Variants in TSHR observed in about 807,000 individuals in gnomAD.
TSHR encodes the protein thyroid stimulating hormone receptor.
In TSHR, 51 loss-of-function variants were observed where a neutral mutation model predicts 64.1. The observed-to-expected ratio is 0.80, with a 90% CI of 0.64 to 1.01. The LOEUF is 1.01. TSHR is among the 50% of genes least tolerant of loss of function. The probability of loss-of-function intolerance (pLI) is 0.00; values close to 1 mark genes in which losing one functional copy is unlikely to be tolerated. For missense variants in TSHR, 877 were observed against 942.8 expected (o/e 0.93, Z 0.91); for synonymous variants, 361 against 361.9 (o/e 1.00, Z 0.03).
At chr14:81,022,609 T>G (rs1883827791) in intron 1 of TSHR, among the ~76,000 whole-genome samples, 1 of 151,588 alleles carries the variant, frequency 6.6e-6, no homozygotes, top group Non-Finnish European at 1.5e-5. Flanking sequence ...GATTACAAGG[T>G]CAGGAGATCG....
intron 1 of TSHR, among the ~76,000 whole-genome samples, chr14:80,962,252 G>C (rs750456362): frequency 9.9e-5 from 15 of 152,204 alleles, no homozygotes; most frequent in Non-Finnish European, 1.5e-4. Flanking sequence ...ACATGTTAAA[G>C]ATTTTAATGA....
intron 1 of TSHR, chr14:81,012,572 T>C (rs1889973428): frequency 6.6e-6 from 1 of 151,956 alleles, no homozygotes; most frequent in Non-Finnish European, 1.5e-5. Flanking sequence ...GTAAAAGTGT[T>C]CCTATTTCTC....
chr14:81,000,178 C>T (rs940521842), intron 1 of TSHR, among the ~76,000 whole-genome samples: 8 of 152,004 alleles, frequency 5.3e-5, no homozygotes, highest in East Asian at 1.9e-4. Context: ...GCAATCCGCC[C>T]GCCTTGGCCT....
chr14:80,997,952 G>T (rs1889111169), intron 1 of TSHR, among the ~76,000 whole-genome samples: 1 of 152,120 alleles, frequency 6.6e-6, no homozygotes, highest in African/African-American at 2.4e-5. Context: ...TCATGAGATG[G>T]TATTTACCTA....
chr14:80,967,387 C>T (rs1322219389), intron 1 of TSHR, among the ~76,000 whole-genome samples: 2 of 150,312 alleles, frequency 1.3e-5, no homozygotes, highest in East Asian at 2.0e-4. Context: ...CGGATTCAAG[C>T]AGTTCTCCTG....
At chr14:80,983,670 T>C (rs1888289567) in intron 1 of TSHR, 1 of 687,850 alleles carries the variant, frequency 1.5e-6, no homozygotes, top group Non-Finnish European at 2.4e-6. Flanking sequence ...CTTTGAACCA[T>C]CTCCAAACTC....
intron 1 of TSHR, among the ~76,000 whole-genome samples, chr14:81,038,752 A>G (rs1304614313): frequency 6.8e-6 from 1 of 146,982 alleles, no homozygotes; most frequent in Non-Finnish European, 1.5e-5. Context: ...ATATATATAT[A>G]TTAAAAATAA....
At chr14:80,959,920 G>T (rs570557900) in intron 1 of TSHR, among the ~76,000 whole-genome samples, 1 of 152,228 alleles carries the variant, frequency 6.6e-6, no homozygotes, top group African/African-American at 2.4e-5. Context: ...ATTTAGAAAG[G>T]TTACAAGTGG....
intron 1 of TSHR, among the ~76,000 whole-genome samples, chr14:81,016,075 G>A (rs370244831): frequency 6.6e-6 from 1 of 152,278 alleles, no homozygotes; most frequent in African/African-American, 2.4e-5. Context: ...GAATAATGCT[G>A]CAATGAACAT....
chr14:81,085,043 C>A (rs945744332), intron 3 of TSHR, among the ~76,000 whole-genome samples: 5 of 152,292 alleles, frequency 3.3e-5, no homozygotes, highest in African/African-American at 9.6e-5. Flanking sequence ...CTCACTGCAA[C>A]CTCTGCCTCC....
chr14:81,012,687 G>A (rs1889980368), intron 1 of TSHR: 1 of 152,106 alleles, frequency 6.6e-6, no homozygotes, highest in Admixed American at 6.5e-5. Context: ...TTCTCTGGTG[G>A]CCAGTGATGG....
chr14:81,074,257 C>A (rs1186456555), intron 3 of TSHR, among the ~76,000 whole-genome samples: 1 of 152,102 alleles, frequency 6.6e-6, no homozygotes, highest in East Asian at 1.9e-4. Flanking sequence ...ACCTTGTATT[C>A]TTCAAATGTT....
intron 1 of TSHR, among the ~76,000 whole-genome samples, chr14:80,968,422 A>C (rs1887427999): frequency 6.6e-6 from 1 of 151,796 alleles, no homozygotes; most frequent in Non-Finnish European, 1.5e-5. Flanking sequence ...TACAAGCCCC[A>C]TCTTCCACAG....
intron 7 of TSHR, chr14:81,104,077 G>GT: frequency 1.0e-6 from 1 of 985,430 alleles, no homozygotes; most frequent in African/African-American, 1.7e-5. Context: ...TTATCATGGG[G>GT]TAAGTATTTG....
chr14:81,023,978 A>G (rs1025088342), intron 1 of TSHR, among the ~76,000 whole-genome samples: 3 of 152,170 alleles, frequency 2.0e-5, no homozygotes, highest in Non-Finnish European at 4.4e-5. Flanking sequence ...AAAATTTTAA[A>G]AAATTAAAAT....
At chr14:80,970,556 A>T (rs1418526886) in intron 1 of TSHR, among the ~76,000 whole-genome samples, 1 of 152,232 alleles carries the variant, frequency 6.6e-6, no homozygotes, top group Non-Finnish European at 1.5e-5. Flanking sequence ...TCCACAGAAT[A>T]TCCTTGTCCA....
At chr14:80,973,255 A>C (rs1299724664) in intron 1 of TSHR, among the ~76,000 whole-genome samples, 5 of 151,790 alleles carry the variant, frequency 3.3e-5, no homozygotes, top group Admixed American at 2.6e-4. Context: ...AATACAAAAA[A>C]TTAGCCGGGC....
intron 1 of TSHR, among the ~76,000 whole-genome samples, chr14:80,956,881 A>G (rs1383114316): frequency 1.3e-5 from 2 of 152,204 alleles, no homozygotes; most frequent in Non-Finnish European, 2.9e-5. Context: ...AATAACCTCC[A>G]AACAGTGTGG....
chr14:81,083,141 T>C (rs562507544), intron 3 of TSHR, among the ~76,000 whole-genome samples: 1 of 152,222 alleles, frequency 6.6e-6, no homozygotes, highest in African/African-American at 2.4e-5. Context: ...TCCCATATAC[T>C]CTTTGAGGTG....
Sources: gnomAD v4.1 joint callset for allele counts (sites outside exome capture counted in the v4.1 genomes callset) on GRCh38, gnomAD v4.1.1 for gene constraint, MANE v1.5 for transcripts, NCBI Gene and HGNC (gene_info 2026-07-23, HGNC 2026-07-21) for gene names.